Variants in MYO16 observed in about 807,000 individuals in gnomAD.
MYO16 encodes myosin XVI.
In MYO16, 94 loss-of-function variants were observed where a neutral mutation model predicts 205.3. The ratio of observed to expected loss-of-function variants is 0.46; its 90% CI spans 0.39 to 0.54. The LOEUF (loss-of-function observed/expected upper bound fraction) is 0.54. Ranked by LOEUF, MYO16 falls within the 20% of genes least tolerant of loss-of-function variation. The pLI, the probability that MYO16 is intolerant of heterozygous loss-of-function variation, is 0.00. For synonymous variants in MYO16, 988 were observed against 954.0 expected (o/e 1.04, Z -0.66); for missense variants, 2,315 against 2,387.5 (o/e 0.97, Z 0.63).
At chr13:108,593,727 C>T (rs769530021), upstream of MYO16, among the ~76,000 whole-genome samples, 10 of 152,052 alleles carry the variant, frequency 6.6e-5, no homozygotes, top group Admixed American at 1.3e-4. Context: ...CTAAACACAC[C>T]TTTCTCCAAA....
intron 13 of MYO16, among the ~76,000 whole-genome samples, chr13:108,884,964 A>G (rs998806479): frequency 1.3e-5 from 2 of 151,250 alleles, no homozygotes; most frequent in African/African-American, 4.9e-5. Flanking sequence ...AAAGATGCTG[A>G]GACAGGGGCT....
chr13:108,945,430 G>A (rs1162139681), intron 16 of MYO16, among the ~76,000 whole-genome samples: 2 of 152,080 alleles, frequency 1.3e-5, no homozygotes, highest in Admixed American at 6.5e-5. Flanking sequence ...TTGAAAATAT[G>A]TAGCATATAA....
chr13:108,959,461 G>C (rs1203565900), intron 17 of MYO16, among the ~76,000 whole-genome samples: 1 of 152,160 alleles, frequency 6.6e-6, no homozygotes, highest in Non-Finnish European at 1.5e-5. Flanking sequence ...GGCAAGCAAA[G>C]TACACTTTCT....
At chr13:108,853,155 C>A (rs1437224873) in intron 10 of MYO16, among the ~76,000 whole-genome samples, 1 of 152,254 alleles carries the variant, frequency 6.6e-6, no homozygotes, top group South Asian at 2.1e-4. Context: ...TCGCGCCTCT[C>A]TCTGAGAGCT....
At position 109,018,433 on chromosome 13, in the gene MYO16, A is replaced by G. The variant is rs191362029; in HGVS notation, c.2596-1278A>G. Among the ~76,000 whole-genome samples the G allele has an allele frequency of 1.1e-3, 169 of 152,322 alleles. 1 individual carries two copies. The highest frequency in any genetic ancestry group is 3.9e-3 in the African/African-American group (163 of 41,578). On this transcript the variant is annotated intron_variant, in intron 22 of 34. Transcript: ENST00000457511. ...CTGGGAGGTGTCTCCAAGTTAGTCT[A>G]CATGGGGGTCAGGGACCCACTTGAG...
chr13:109,041,716 C>T (rs1033908385), intron 23 of MYO16, among the ~76,000 whole-genome samples: 7 of 152,136 alleles, frequency 4.6e-5, no homozygotes, highest in African/African-American at 1.7e-4. Flanking sequence ...CAAGATTTAT[C>T]TGTATCATTT....
intron 9 of MYO16, among the ~76,000 whole-genome samples, chr13:108,831,806 C>T (rs1051911968): frequency 2.0e-5 from 3 of 152,326 alleles, no homozygotes; most frequent in African/African-American, 2.4e-5. Flanking sequence ...AGCCACCATG[C>T]CCAGCTGAAA....
intron 9 of MYO16, among the ~76,000 whole-genome samples, chr13:108,833,254 G>T (rs1426307931): frequency 2.2e-5 from 3 of 134,476 alleles, no homozygotes; most frequent in Admixed American, 1.5e-4. Context: ...TCTTTAAATT[G>T]TAAAAAAAAA....
At chr13:108,587,751 T>A in the MYO16 span, among the ~76,000 whole-genome samples, 2 of 152,154 alleles carry the variant, frequency 1.3e-5, no homozygotes, top group African/African-American at 4.8e-5. Context: ...AGAAGGGGAA[T>A]GACCGCCCAA....
intron 11 of MYO16, among the ~76,000 whole-genome samples, chr13:108,859,225 G>A (rs1464738741): frequency 6.6e-6 from 1 of 152,078 alleles, no homozygotes; most frequent in Non-Finnish European, 1.5e-5. Flanking sequence ...CCACTAGAAT[G>A]CAAGTTCTAT....
At chr13:108,962,638 A>G in intron 19 of MYO16, 143 bp downstream of exon 19, 1 of 658,108 alleles carries the variant, frequency 1.5e-6, no homozygotes, top group Non-Finnish European at 2.6e-6. Context: ...CTGTTTGGTC[A>G]TTTGACATGA....
In MYO16 at chr13:108,844,602, CAATT is replaced by C. The variant is rs1326919866; in HGVS notation, c.1248+113_1248+116del. The stretch of plus-strand genomic sequence containing the variant: ...ATGCGCACTAATTTGCATTCAAAGA[CAATT>C]AATGCATAGATTAATATTTTGCTTG... On this transcript the variant is annotated intron_variant, in intron 10 of 34. Coordinates refer to ENST00000457511, the MANE Select transcript of MYO16 (RefSeq NM_001198950.3). 1.2e-4 allele frequency: 134 copies of C among 1,092,550 alleles called. No homozygotes were observed. In the South Asian group the frequency reaches 1.6e-3, roughly 13 times the overall value. The allele number at this position is 1,092,550 out of a possible 1,614,324, so 67.7% of individuals were successfully genotyped here. A position where few individuals can be genotyped will look rare whatever the true frequency, so the allele number is the denominator to read the frequency against.
intron 14 of MYO16, among the ~76,000 whole-genome samples, chr13:108,891,800 C>T (rs1880187510): frequency 6.6e-6 from 1 of 152,122 alleles, no homozygotes; most frequent in African/African-American, 2.4e-5. Flanking sequence ...TAAATCAATG[C>T]CATCTAAAGG....
At chr13:108,596,707 G>T (rs1305236186) in intron 1 of MYO16, among the ~76,000 whole-genome samples, 1 of 152,082 alleles carries the variant, frequency 6.6e-6, no homozygotes, top group Non-Finnish European at 1.5e-5. Flanking sequence ...AATTAAAACT[G>T]ACACCTTTTT....
At chr13:108,915,923 C>T (rs908430752) in intron 16 of MYO16, among the ~76,000 whole-genome samples, 2 of 152,134 alleles carry the variant, frequency 1.3e-5, no homozygotes, top group Admixed American at 1.3e-4. Flanking sequence ...GGAGCCGTAC[C>T]TGTCACGGGG....
the MYO16 span, among the ~76,000 whole-genome samples, chr13:108,539,438 G>A: frequency 3.1e-3 from 465 of 152,162 alleles, 2 homozygotes; most frequent in African/African-American, 0.01. Context: ...GCAAATGAAT[G>A]ATGAAAGATC....
chr13:108,763,546 G>A (rs548012030), intron 4 of MYO16, among the ~76,000 whole-genome samples: 90 of 152,312 alleles, frequency 5.9e-4, no homozygotes, highest in African/African-American at 2.1e-3. Context: ...GAAACCAATA[G>A]TAATATTGAT....
intron 34 of MYO16, among the ~76,000 whole-genome samples, chr13:109,202,466 C>T (rs1043925992): frequency 6.6e-6 from 1 of 152,106 alleles, no homozygotes; most frequent in African/African-American, 2.4e-5. Flanking sequence ...TGATGTTGAG[C>T]ATTTTTTCAT....
chr13:108,746,543 T>TA (rs1477077604), intron 4 of MYO16, among the ~76,000 whole-genome samples: 4 of 140,302 alleles, frequency 2.9e-5, no homozygotes, highest in African/African-American at 7.3e-5. Flanking sequence ...GTTTCTAGCA[T>TA]AAAGAAAAGG....
Sources: allele counts gnomAD v4.1 joint callset (sites outside exome capture counted in the v4.1 genomes callset), GRCh38; gene constraint gnomAD v4.1.1; transcripts MANE v1.5; gene names NCBI Gene and HGNC (gene_info 2026-07-23, HGNC 2026-07-21).